AVEN: variants seen among roughly 807,000 people sequenced by gnomAD.
AVEN encodes the protein cell death regulator Aven.
AVEN carries 41 observed loss-of-function variants against 38.1 expected under a neutral mutation model. The ratio of observed to expected loss-of-function variants is 1.08; its 90% CI spans 0.84 to 1.40. The LOEUF is 1.40. AVEN is among the 40% of genes most tolerant of loss of function. The probability of loss-of-function intolerance (pLI) is 0.00; values close to 1 mark genes in which losing one functional copy is unlikely to be tolerated. For synonymous variants in AVEN, 206 were observed against 171.8 expected (o/e 1.20, Z -1.56); for missense variants, 605 against 438.8 (o/e 1.38, Z -3.38).
chr15:33,946,794 G>A (rs553346709), intron 2 of AVEN, among the ~76,000 whole-genome samples: 1 of 152,180 alleles, frequency 6.6e-6, no homozygotes, highest in Non-Finnish European at 1.5e-5. Flanking sequence ...TGCGGTTGCG[G>A]GGAGCGGTTA....
chr15:33,865,364 G>C (rs1478551312), downstream of AVEN: 2 of 647,280 alleles, frequency 3.1e-6, no homozygotes, highest in South Asian at 2.1e-5. Flanking sequence ...CTGAAAATCT[G>C]TGCTATTTTG....
In AVEN at chr15:34,003,051, A is replaced by C; in HGVS notation, c.426T>G (p.Ser142Arg). The change falls in exon 2 of 6, where the codon AGT (serine) becomes AGG (arginine). Residue 142 changes from serine (S) to arginine (R), a missense_variant. Ser to Arg is a moderately radical substitution (Grantham distance 110). Transcript: ENST00000306730. Reference sequence around the variant, plus strand: ...TCATACCTGCAGAGCTAAGGAGGACACTGAAATCTGTTCCCCTCTGTGACT... The same window carrying C: ...TCATACCTGCAGAGCTAAGGAGGACCCTGAAATCTGTTCCCCTCTGTGACT... ...SGESQRGTDFSVLLSSAGDSF... is the reference protein window; with the variant it reads ...SGESQRGTDFRVLLSSAGDSF... The C allele has an allele frequency of 6.2e-7, 1 of 1,613,900 alleles. No homozygotes were observed. The highest frequency in any genetic ancestry group is 1.7e-5 in the Admixed American group (1 of 59,992).
intron 1 of AVEN, among the ~76,000 whole-genome samples, chr15:34,004,267 A>G (rs867412719): frequency 9.2e-5 from 14 of 152,378 alleles, no homozygotes; most frequent in African/African-American, 3.4e-4. Flanking sequence ...GCTAGAGAAC[A>G]GTTTCCAGTA....
At chr15:34,024,774 T>C (rs1460285204) in intron 1 of AVEN, among the ~76,000 whole-genome samples, 1 of 149,690 alleles carries the variant, frequency 6.7e-6, no homozygotes, top group Non-Finnish European at 1.5e-5. Flanking sequence ...GGCAGGAGAA[T>C]AGCTTGAACC....
intron 1 of AVEN, among the ~76,000 whole-genome samples, chr15:34,036,644 A>T (rs1220543154): frequency 6.6e-6 from 1 of 152,208 alleles, no homozygotes; most frequent in Non-Finnish European, 1.5e-5. Context: ...CCAAACCAAA[A>T]TTAAGGAACA....
intron 3 of AVEN, among the ~76,000 whole-genome samples, chr15:33,872,604 C>G (rs1398723389): frequency 2.0e-5 from 3 of 152,060 alleles, no homozygotes; most frequent in African/African-American, 7.2e-5. Flanking sequence ...GGAACGGCCG[C>G]ATATCACTCA....
chr15:33,872,967 C>G (rs1891048100), intron 3 of AVEN, among the ~76,000 whole-genome samples: 1 of 152,070 alleles, frequency 6.6e-6, no homozygotes, highest in African/African-American at 2.4e-5. Flanking sequence ...CAACGAACGC[C>G]AAGTCCAAGC....
chr15:33,886,782 T>C (rs1377185424), intron 2 of AVEN, among the ~76,000 whole-genome samples: 1 of 152,214 alleles, frequency 6.6e-6, no homozygotes, highest in Non-Finnish European at 1.5e-5. Flanking sequence ...GTGTGAGAAT[T>C]GACTAATACA....
intron 2 of AVEN, among the ~76,000 whole-genome samples, chr15:33,879,681 G>C (rs1597184392): frequency 6.6e-6 from 1 of 152,106 alleles, no homozygotes; most frequent in Non-Finnish European, 1.5e-5. Flanking sequence ...GACTTTTTCA[G>C]ACATGTGAAA....
At chr15:33,915,139 G>A (rs1363243087) in intron 2 of AVEN, among the ~76,000 whole-genome samples, 2 of 152,140 alleles carry the variant, frequency 1.3e-5, no homozygotes, top group Non-Finnish European at 2.9e-5. Context: ...ACTTAAGAGG[G>A]GAGATGGGGG....
At chr15:34,038,697 C>T (rs1176256620) in intron 1 of AVEN, 83 bp downstream of exon 1, 21 of 1,092,414 alleles carry the variant, frequency 1.9e-5, no homozygotes, top group South Asian at 4.5e-5. Context: ...CTGGCACGCT[C>T]TCTTGCGGCT....
At chr15:33,889,061 G>A (rs1024588750) in intron 2 of AVEN, among the ~76,000 whole-genome samples, 11 of 152,094 alleles carry the variant, frequency 7.2e-5, no homozygotes, top group South Asian at 4.2e-4. Context: ...TGAGATGTAC[G>A]TCTTACAGAT....
At chr15:33,868,858 T>C (rs1250789791) in intron 4 of AVEN, among the ~76,000 whole-genome samples, 1 of 152,158 alleles carries the variant, frequency 6.6e-6, no homozygotes, top group East Asian at 1.9e-4. Context: ...CCATGTATAC[T>C]TACATGTGCA....
chr15:33,936,510 T>C (rs552132262), intron 2 of AVEN, among the ~76,000 whole-genome samples: 8 of 152,310 alleles, frequency 5.3e-5, no homozygotes, highest in African/African-American at 1.9e-4. Flanking sequence ...AATGGGGAAA[T>C]TTGCCATGAT....
At chr15:33,976,156 C>A (rs1477740796) in intron 2 of AVEN, among the ~76,000 whole-genome samples, 1 of 152,064 alleles carries the variant, frequency 6.6e-6, no homozygotes, top group Non-Finnish European at 1.5e-5. Context: ...ATAAAATCAA[C>A]TTTTAAAAGA....
At chr15:33,867,384 C>G (rs1411486349) in intron 5 of AVEN, 111 bp downstream of exon 5, 1 of 1,420,160 alleles carries the variant, frequency 7.0e-7, no homozygotes, top group Non-Finnish European at 9.4e-7. Context: ...GTGGACAACA[C>G]TGGATCAATG....
At chr15:33,916,780 T>C (rs571021514) in intron 2 of AVEN, among the ~76,000 whole-genome samples, 2 of 152,044 alleles carry the variant, frequency 1.3e-5, no homozygotes, top group African/African-American at 4.8e-5. Flanking sequence ...TCTGTTCTCA[T>C]GCTGCTATAA....
At chr15:33,975,757 C>T (rs557135840) in intron 2 of AVEN, among the ~76,000 whole-genome samples, 4 of 152,170 alleles carry the variant, frequency 2.6e-5, no homozygotes, top group African/African-American at 9.6e-5. Context: ...TGGTGAAATC[C>T]CATCTCTACT....
At position 33,867,543 on chromosome 15, in the gene AVEN, G is replaced by A. The variant is rs377120583; in HGVS notation, c.925C>T (p.Gln309Ter). ...GDNILPDQTS[Q>*]DLKSKEDGEV... Reference sequence around the variant, plus strand: ...CCATCTTCCTTGGATTTCAGGTCCTGAGACGTCTGATCTGGTAAGATGTTA... The same window carrying A: ...CCATCTTCCTTGGATTTCAGGTCCTAAGACGTCTGATCTGGTAAGATGTTA... The change falls in exon 5 of 6, where the codon CAG becomes TAG. Residue 309 changes from glutamine (Q) to a stop codon, truncating the protein, a stop_gained. Coordinates refer to ENST00000306730, the MANE Select transcript of AVEN (RefSeq NM_020371.3). LOFTEE classifies it low-confidence loss of function (END_TRUNC). 9.9e-6 allele frequency: 16 copies of A among 1,608,824 alleles called. No individual in the cohort carries two copies. Among genetic ancestry groups the A allele is most frequent in the Admixed American group, 3.4e-5 (2 of 59,252 alleles).
Sources: allele counts gnomAD v4.1 joint callset (sites outside exome capture counted in the v4.1 genomes callset), GRCh38; gene constraint gnomAD v4.1.1; transcripts MANE v1.5; gene names NCBI Gene and HGNC (gene_info 2026-07-23, HGNC 2026-07-21).